Variants in MCF2L2 observed in about 807,000 individuals in gnomAD.
MCF2L2 encodes the protein MCF.2 cell line derived transforming sequence-like 2.
A neutral mutation model predicts 150.2 loss-of-function variants in MCF2L2; 102 were observed. The ratio of observed to expected loss-of-function variants is 0.68; its 90% CI spans 0.58 to 0.80. The LOEUF (loss-of-function observed/expected upper bound fraction) is 0.80. MCF2L2 is among the 30% of genes least tolerant of loss of function. MCF2L2 has a pLI of 0.00. For missense variants in MCF2L2, 1,256 were observed against 1,372.8 expected (o/e 0.91, Z 1.34); for synonymous variants, 465 against 491.3 (o/e 0.95, Z 0.71).
intron 22 of MCF2L2, among the ~76,000 whole-genome samples, chr3:183,210,383 A>G (rs374423859): frequency 6.6e-6 from 1 of 152,226 alleles, no homozygotes. Flanking sequence ...TTCTAATAGC[A>G]ATACAGAGGG....
intron 3 of MCF2L2, among the ~76,000 whole-genome samples, chr3:183,367,227 CTT>C (rs11340213): frequency 2.1e-4 from 30 of 140,362 alleles, no homozygotes; most frequent in Admixed American, 2.1e-4. Context: ...TTCTTTCTTT[CTT>C]TTTTTTTTTT....
Position 183,270,411 on chromosome 3 carries a change from G to A in MCF2L2, c.1862+6461C>T, listed in dbSNP as rs369390470. 593 of 1,614,150 alleles carry A rather than the reference G, an allele frequency of 3.7e-4. 10 individuals carry two copies. The South Asian group carries it at 6.1e-3, about 17-fold the overall frequency. ...ATTTATTCACATGCCAAATCTGATT[G>A]AGTACCTTCAAAGTTTAGAACAAAT... On this transcript the variant is annotated intron_variant, in intron 15 of 29. Coordinates refer to ENST00000328913, the MANE Select transcript of MCF2L2 (RefSeq NM_015078.4). This position sits in a 1 kb window ranked among gnomAD's most constrained non-coding sequence, Gnocchi z 4.5.
chr3:183,398,887 G>A (rs1228870448), intron 1 of MCF2L2, among the ~76,000 whole-genome samples: 3 of 152,066 alleles, frequency 2.0e-5, no homozygotes, highest in South Asian at 2.1e-4. Context: ...ATAGGTGAAT[G>A]TTTCATAATC....
chr3:183,297,812 G>C (rs1183723149), intron 11 of MCF2L2: 1 of 152,816 alleles, frequency 6.5e-6, no homozygotes, highest in Non-Finnish European at 1.5e-5. Flanking sequence ...CAGGTGTGAG[G>C]CACTGCACCC....
At chr3:183,297,642 C>CCCTTCCTCCCTTCCTTCCTT (rs1553776771) in intron 11 of MCF2L2, 9 of 146,230 alleles carry the variant, frequency 6.2e-5, no homozygotes, top group African/African-American at 2.3e-4. Context: ...CTTCCTTCCT[C>CCCTTCCTCCCTTCCTTCCTT]CCTTCCTTCC....
At chr3:183,346,101 G>A (rs1214755931) in intron 3 of MCF2L2, among the ~76,000 whole-genome samples, 1 of 152,128 alleles carries the variant, frequency 6.6e-6, no homozygotes, top group East Asian at 1.9e-4. Flanking sequence ...ACCAAAATCT[G>A]ACAGAGACAC....
At chr3:183,406,633 C>T (rs112204631) in intron 1 of MCF2L2, among the ~76,000 whole-genome samples, 9,814 of 152,054 alleles carry the variant, frequency 0.065, 601 homozygotes, top group African/African-American at 0.16. Flanking sequence ...AGATTACAGG[C>T]GCCTGCCACC....
chr3:183,182,348 CA>C (rs5854970), intron 27 of MCF2L2, among the ~76,000 whole-genome samples: 35,210 of 151,988 alleles, frequency 0.23, 4,604 homozygotes, highest in East Asian at 0.5. Flanking sequence ...ATGCCTGGAG[CA>C]CCACGGGGGG....
chr3:183,427,669 A>G (rs1353767976), intron 1 of MCF2L2, among the ~76,000 whole-genome samples: 1 of 150,784 alleles, frequency 6.6e-6, no homozygotes, highest in East Asian at 2.0e-4. Context: ...CTCGGCAACC[A>G]CCTGGTGAAG....
chr3:183,365,439 C>T (rs6783826), intron 3 of MCF2L2, among the ~76,000 whole-genome samples: 41,905 of 152,022 alleles, frequency 0.28, 8,161 homozygotes, highest in African/African-American at 0.55. Flanking sequence ...TATTAAACAA[C>T]GTAAATCCAC....
chr3:183,217,859 A>G (rs545290358), intron 21 of MCF2L2, among the ~76,000 whole-genome samples: 4 of 152,332 alleles, frequency 2.6e-5, no homozygotes, highest in African/African-American at 9.6e-5. Context: ...CCAATGTTCC[A>G]ATTACAACCA....
intron 22 of MCF2L2, among the ~76,000 whole-genome samples, chr3:183,213,027 A>G (rs1054169178): frequency 1.3e-5 from 2 of 151,956 alleles, no homozygotes; most frequent in Non-Finnish European, 2.9e-5. Context: ...ACTTAGCCCT[A>G]TCTCTGCAGC....
chr3:183,223,228 T>C, intron 20 of MCF2L2, 118 bp downstream of exon 20: 2 of 691,358 alleles, frequency 2.9e-6, no homozygotes, highest in Non-Finnish European at 2.5e-6. Context: ...GCCTGCAGGA[T>C]AGACGTATCT....
intron 3 of MCF2L2, among the ~76,000 whole-genome samples, chr3:183,348,886 TAAAAGA>T (rs1020614356): frequency 2.6e-5 from 4 of 152,292 alleles, no homozygotes; most frequent in African/African-American, 9.6e-5. Flanking sequence ...TGGGTAGAAC[TAAAAGA>T]AAAACAGATA....
intron 15 of MCF2L2, among the ~76,000 whole-genome samples, chr3:183,268,407 A>G (rs1443944925): frequency 6.6e-6 from 1 of 152,178 alleles, no homozygotes; most frequent in South Asian, 2.1e-4. Flanking sequence ...CCAGGGGATC[A>G]TCTAGTCTGG....
chr3:183,206,173 A>G lies in MCF2L2; in HGVS notation c.2754T>C (p.His918=). 1 of 1,614,184 alleles carries G rather than the reference A, an allele frequency of 6.2e-7. No individual in the cohort carries two copies. The highest frequency in any genetic ancestry group is 1.7e-5 in the Admixed American group (1 of 60,020). The change falls in exon 24 of 30, where the codon CAT becomes CAC. Residue 918 remains histidine (H), a synonymous_variant. Transcript: ENST00000328913. Reference sequence around the variant, plus strand: ...TTCGACTGGCAATCTCAAACTTTCTATGGCTCCCCCTTCCAAGCTGGCGAA... The same window carrying G: ...TTCGACTGGCAATCTCAAACTTTCTGTGGCTCCCCCTTCCAAGCTGGCGAA... ...LSIRQLGRGS[H]RKFEIASRNG...
At chr3:183,265,396 C>G (rs1490042936) in intron 15 of MCF2L2, 1 of 152,360 alleles carries the variant, frequency 6.6e-6, no homozygotes, top group African/African-American at 2.4e-5. Context: ...TTTCTTCTAC[C>G]AGATCGGCAG....
chr3:183,350,777 G>A (rs56412364), intron 3 of MCF2L2, among the ~76,000 whole-genome samples: 12,232 of 151,940 alleles, frequency 0.081, 1,260 homozygotes, highest in African/African-American at 0.23. Context: ...GGTGGCGGGC[G>A]CCTGGAGTCC....
rs142774212 is a variant in MCF2L2 at position 183,257,383 on chromosome 3, A to G, written c.1862+19489T>C. ...ATTGACCCTTTGATAGAAGAGCTAC[A>G]CCTGAAACATCTCTGAAGTCTTTTT... On this transcript the variant is annotated intron_variant, in intron 15 of 29. Transcript: ENST00000328913. 1.8e-4 allele frequency among the ~76,000 whole-genome samples: 28 copies of G among 152,310 alleles called. No individual in the cohort carries two copies. The East Asian group carries it at 4.6e-3, about 25-fold the overall frequency.
Sources: allele counts gnomAD v4.1 joint callset (sites outside exome capture counted in the v4.1 genomes callset), GRCh38; gene constraint gnomAD v4.1.1; non-coding constraint Gnocchi (gnomAD v3.1); transcripts MANE v1.5; gene names NCBI Gene and HGNC (gene_info 2026-07-23, HGNC 2026-07-21).